The following SHISA9 variants were observed in gnomAD, a reference collection of about 807,000 sequenced individuals.
SHISA9 encodes the protein protein shisa-9.
SHISA9 carries 13 observed loss-of-function variants against 38.0 expected under a neutral mutation model. The observed-to-expected ratio is 0.34, with a 90% CI of 0.22 to 0.54. The LOEUF is 0.54. SHISA9 is among the 20% of genes least tolerant of loss of function. The pLI, the probability that SHISA9 is intolerant of heterozygous loss-of-function variation, is 0.91. For synonymous variants in SHISA9, 275 were observed against 242.0 expected (o/e 1.14, Z -1.27); for missense variants, 538 against 575.8 (o/e 0.93, Z 0.67).
At chr16:13,225,811 A>C (rs1326988626) in intron 4 of SHISA9, among the ~76,000 whole-genome samples, 1 of 152,226 alleles carries the variant, frequency 6.6e-6, no homozygotes, top group Non-Finnish European at 1.5e-5. Flanking sequence ...TCTGCTGCTA[A>C]TTAAGAGAGA....
At chr16:13,551,700 C>A in the SHISA9 span, among the ~76,000 whole-genome samples, 204 of 152,292 alleles carry the variant, frequency 1.3e-3, no homozygotes, top group African/African-American at 4.7e-3. Flanking sequence ...AAAGGGGCTT[C>A]ATACTGCTTT....
At chr16:13,334,377 A>G in the SHISA9 span, among the ~76,000 whole-genome samples, 2 of 152,214 alleles carry the variant, frequency 1.3e-5, no homozygotes, top group Non-Finnish European at 2.9e-5. Context: ...ATTTGAAATT[A>G]GAGTCCTGCT....
At chr16:13,282,261 C>T in the SHISA9 span, among the ~76,000 whole-genome samples, 1 of 151,948 alleles carries the variant, frequency 6.6e-6, no homozygotes, top group East Asian at 1.9e-4. Flanking sequence ...GCTATTTTTG[C>T]TGTATATAGA....
the SHISA9 span, among the ~76,000 whole-genome samples, chr16:13,543,954 T>G: frequency 6.6e-6 from 1 of 152,202 alleles, no homozygotes; most frequent in Non-Finnish European, 1.5e-5. Context: ...TAAAATGTTC[T>G]GGCTCCTTGT....
At chr16:13,297,138 A>G in the SHISA9 span, among the ~76,000 whole-genome samples, 25 of 152,114 alleles carry the variant, frequency 1.6e-4, no homozygotes, top group Admixed American at 1.6e-3. Flanking sequence ...ATGCCTGCAT[A>G]ATGTTTCAGC....
At chr16:13,559,956 G>C in the SHISA9 span, among the ~76,000 whole-genome samples, 3 of 152,138 alleles carry the variant, frequency 2.0e-5, no homozygotes, top group Non-Finnish European at 4.4e-5. Flanking sequence ...AGTTAATGGG[G>C]AATAAAGAGG....
the SHISA9 span, among the ~76,000 whole-genome samples, chr16:13,328,591 TACAC>T: frequency 0.088 from 12,287 of 139,778 alleles, 554 homozygotes; most frequent in Non-Finnish European, 0.11. Context: ...TATATGTGTA[TACAC>T]ACACACACAC....
At chr16:13,520,016 C>T in the SHISA9 span, among the ~76,000 whole-genome samples, 1 of 152,124 alleles carries the variant, frequency 6.6e-6, no homozygotes, top group East Asian at 1.9e-4. Context: ...GTCCATGGCA[C>T]CTATCCAGAT....
At chr16:13,265,067 C>A in the SHISA9 span, among the ~76,000 whole-genome samples, 44 of 126,676 alleles carry the variant, frequency 3.5e-4, no homozygotes, top group African/African-American at 1.3e-3. Context: ...CCCCCTTCCC[C>A]TCCTCATCCC....
chr16:13,113,207 C>T (rs1194704536), intron 2 of SHISA9, among the ~76,000 whole-genome samples: 1 of 81,134 alleles, frequency 1.2e-5, no homozygotes, highest in Non-Finnish European at 2.4e-5. Context: ...GAGACTCCAT[C>T]TCAAAAAAAA....
At chr16:13,510,229 A>C in the SHISA9 span, among the ~76,000 whole-genome samples, 13 of 152,290 alleles carry the variant, frequency 8.5e-5, no homozygotes, top group South Asian at 2.3e-3. Flanking sequence ...AATCACTTGA[A>C]TCCGGGAGGT....
chr16:13,098,359 A>G (rs1262092326), intron 2 of SHISA9, among the ~76,000 whole-genome samples: 2 of 152,176 alleles, frequency 1.3e-5, no homozygotes, highest in Non-Finnish European at 2.9e-5. Flanking sequence ...TCTTACAGTT[A>G]ATGGCTCCTC....
At chr16:13,412,780 C>T in the SHISA9 span, among the ~76,000 whole-genome samples, 14 of 152,008 alleles carry the variant, frequency 9.2e-5, no homozygotes, top group East Asian at 7.7e-4. Flanking sequence ...TCACTTTAGC[C>T]CGGGAGGCAG....
rs1316373217 is a variant in SHISA9, at chr16:13,117,389, A to C, written c.692-86005A>C. Among the ~76,000 whole-genome samples, 3 of 152,206 alleles carry C rather than the reference A, an allele frequency of 2.0e-5. No homozygotes were observed. In the East Asian group the frequency reaches 5.8e-4, roughly 29 times the overall value. On this transcript the variant is annotated intron_variant, in intron 2 of 4. Coordinates refer to ENST00000558583, the MANE Select transcript of SHISA9 (RefSeq NM_001145204.3). The stretch of plus-strand genomic sequence containing the variant: ...GTTTGGATACCTGCTGTGAGATGGC[A>C]GAGTGGGCCGAATGGTGACCTTCCA...
chr16:13,285,801 T>C, the SHISA9 span, among the ~76,000 whole-genome samples: 6 of 152,314 alleles, frequency 3.9e-5, no homozygotes, highest in Non-Finnish European at 8.8e-5. Flanking sequence ...CCATCTGTTT[T>C]CATTGCCAAT....
chr16:12,910,424 A>C (rs4781352), intron 1 of SHISA9: 836,745 of 979,564 alleles, frequency 0.85, 359,464 homozygotes, highest in East Asian at 1. Flanking sequence ...CCTGCCCTTG[A>C]AGAGCAAACA....
chr16:13,328,733 A>G, the SHISA9 span, among the ~76,000 whole-genome samples: 3 of 152,074 alleles, frequency 2.0e-5, no homozygotes, highest in African/African-American at 7.2e-5. Flanking sequence ...TCAGCTTCCC[A>G]AAGTGCTGGG....
At chr16:12,984,039 C>T (rs535584986) in intron 2 of SHISA9, among the ~76,000 whole-genome samples, 6 of 152,128 alleles carry the variant, frequency 3.9e-5, no homozygotes, top group Non-Finnish European at 7.3e-5. Flanking sequence ...TGCTTCTTAA[C>T]ATTGGTTTTG....
At chr16:13,022,231 A>C (rs1286160352) in intron 2 of SHISA9, among the ~76,000 whole-genome samples, 1 of 152,032 alleles carries the variant, frequency 6.6e-6, no homozygotes, top group Admixed American at 6.6e-5. Context: ...AGCTCACTGC[A>C]GCTTTGAATT....
Sources: gnomAD v4.1 joint callset for allele counts (sites outside exome capture counted in the v4.1 genomes callset) on GRCh38, gnomAD v4.1.1 for gene constraint, MANE v1.5 for transcripts, NCBI Gene and HGNC (gene_info 2026-07-23, HGNC 2026-07-21) for gene names.